The following ATXN3 variants were observed in gnomAD, a reference collection of about 807,000 sequenced individuals.
ATXN3 encodes ataxin-3.
In ATXN3, 28 loss-of-function variants were observed where a neutral mutation model predicts 58.2. That is an observed-to-expected ratio of 0.48 (90% CI 0.36 to 0.66). The LOEUF is 0.66. Ranked by LOEUF, ATXN3 falls within the 30% of genes least tolerant of loss-of-function variation. ATXN3 has a pLI of 0.00. For synonymous variants in ATXN3, 113 were observed against 138.5 expected, an observed-to-expected ratio of 0.82 and a Z score of 1.29; for missense variants, 321 against 422.1, an observed-to-expected ratio of 0.76 and a Z score of 2.10.
chr14:92,057,439 G>T (rs376808236), downstream of ATXN3, among the ~76,000 whole-genome samples: 2,976 of 149,350 alleles, frequency 0.02, 117 homozygotes, highest in African/African-American at 0.07. Context: ...CGGGGGGAGG[G>T]GGCGCGGGGG....
At chr14:92,096,352 T>G in intron 2 of ATXN3, 1 of 1,412,870 alleles carries the variant, frequency 7.1e-7, no homozygotes, top group Admixed American at 2.6e-5. Context: ...AAGCCGGGTG[T>G]GGTGGCTCAC....
chr14:92,066,126 T>C (rs912361636), intron 10 of ATXN3, among the ~76,000 whole-genome samples: 2 of 151,936 alleles, frequency 1.3e-5, no homozygotes, highest in South Asian at 2.1e-4. Context: ...TTCTCTGGGA[T>C]AAATGCCCAG....
rs1397521458 is a variant in ATXN3, at chr14:92,061,987, G to A, written c.*2333C>T. 6.6e-6 allele frequency: 1 copy of A among 152,352 alleles called. No homozygotes were observed. The highest frequency in any genetic ancestry group is 1.5e-5 in the Non-Finnish European group (1 of 68,150). The allele number at this position is 152,352 out of a possible 1,614,324, so 9.4% of individuals were successfully genotyped here. Reference sequence around the variant, plus strand: ...AACTCTCTAGCTGGCCAGGCGCAGTGGCTCATGCCTGTAATCCCAACACTT... The same window carrying A: ...AACTCTCTAGCTGGCCAGGCGCAGTAGCTCATGCCTGTAATCCCAACACTT... On this transcript the variant is annotated 3_prime_UTR_variant, in exon 11 of 11. Coordinates refer to ENST00000644486, the MANE Select transcript of ATXN3 (RefSeq NM_004993.6).
chr14:92,058,930 T>A lies in ATXN3; in HGVS notation c.*5390A>T, dbSNP rs1431060496. The A allele has an allele frequency of 1.3e-5, 2 of 151,302 alleles. No homozygotes were observed. The highest frequency in any genetic ancestry group is 2.9e-5 in the Non-Finnish European group (2 of 67,982). The allele number at this position is 151,302 out of a possible 1,614,324, so 9.4% of individuals were successfully genotyped here. A position where few individuals can be genotyped will look rare whatever the true frequency, so the allele number is the denominator to read the frequency against. ...AATTAGATAATCACATTTAAAAATG[T>A]ATGTTTTCCTCTTTCAAAAAAAAAA... On this transcript the variant is annotated 3_prime_UTR_variant, in exon 11 of 11. Coordinates refer to ENST00000644486, the MANE Select transcript of ATXN3 (RefSeq NM_004993.6).
chr14:92,104,785 T>A (rs1409419184), intron 1 of ATXN3, among the ~76,000 whole-genome samples: 1 of 151,768 alleles, frequency 6.6e-6, no homozygotes, highest in African/African-American at 2.4e-5. Flanking sequence ...TAGCTGGGCG[T>A]GGTGGCGGGC....
At position 92,066,536 on chromosome 14, in the gene ATXN3, T is replaced by C. The variant is rs112175516; in HGVS notation, c.992-2122A>G. 5.3e-4 allele frequency among the ~76,000 whole-genome samples: 80 copies of C among 152,062 alleles called. 1 individual carries two copies. The highest frequency in any genetic ancestry group is 1.7e-3 in the African/African-American group (71 of 41,500). ...AGGTCTCCTGAAGACAAATCGTTAA[T>C]TTTCCCTTCACTCCTGAAGGATATT... is the stretch of plus-strand genomic sequence containing the variant. On this transcript the variant is annotated intron_variant, in intron 10 of 10. Transcript: ENST00000644486.
At chr14:92,094,298 A>C (rs371139662) in intron 3 of ATXN3, among the ~76,000 whole-genome samples, 145 of 152,310 alleles carry the variant, frequency 9.5e-4, no homozygotes, top group Non-Finnish European at 1.5e-3. Context: ...ATAAAAAAAA[A>C]CACATATATA....
At chr14:92,094,750 T>C (rs112091003) in intron 3 of ATXN3, among the ~76,000 whole-genome samples, 3 of 152,064 alleles carry the variant, frequency 2.0e-5, no homozygotes, top group African/African-American at 7.2e-5. Context: ...GAGTGCAAGG[T>C]AGTGGGCACA....
intron 7 of ATXN3, 62 bp from the exon 8 acceptor site, chr14:92,082,528 G>A (rs970291375): frequency 1.1e-4 from 152 of 1,447,378 alleles, no homozygotes; most frequent in Admixed American, 3.4e-4. Flanking sequence ...ATAACATAAA[G>A]GCATTTGTAA....
intron 1 of ATXN3, among the ~76,000 whole-genome samples, chr14:92,048,447 G>A (rs2057436698): frequency 6.6e-6 from 1 of 152,254 alleles, no homozygotes; most frequent in Admixed American, 6.5e-5. Flanking sequence ...TAAAATGCAT[G>A]TTGAGAATAA....
downstream of ATXN3, among the ~76,000 whole-genome samples, chr14:92,054,823 A>G (rs2057459643): frequency 6.6e-6 from 1 of 152,114 alleles, no homozygotes; most frequent in African/African-American, 2.4e-5. Context: ...ACATTTCTTG[A>G]AGATGAGAGG....
At chr14:92,055,329 ATTT>A (rs994776430), downstream of ATXN3, among the ~76,000 whole-genome samples, 1 of 152,052 alleles carries the variant, frequency 6.6e-6, no homozygotes, top group Non-Finnish European at 1.5e-5. This position sits in a 1 kb window ranked among gnomAD's most constrained non-coding sequence, Gnocchi z 4.5. Context: ...AATCCTCTAT[ATTT>A]TTTATTGTGA....
At chr14:92,079,429 A>G in intron 9 of ATXN3, 1 of 981,490 alleles carries the variant, frequency 1.0e-6, no homozygotes, top group Non-Finnish European at 1.2e-6. Flanking sequence ...AGAGGATGTC[A>G]GCTGATCAGA....
At position 92,063,422 on chromosome 14, in the gene ATXN3, G is replaced by A. The variant is rs1467129682; in HGVS notation, c.*898C>T. 1 of 152,160 alleles carries A rather than the reference G, an allele frequency of 6.6e-6. No individual in the cohort carries two copies. Among genetic ancestry groups the A allele is most frequent in the Non-Finnish European group, 1.5e-5 (1 of 68,010 alleles). 9.4% of individuals were successfully genotyped at this position (152,160 alleles called of 1,614,324 possible). ...GGTACGTATGTTTAGTCTTCTAACA[G>A]AAGGAGACTTGCCTGCATACTATGC... On this transcript the variant is annotated 3_prime_UTR_variant, in exon 11 of 11. Coordinates refer to ENST00000644486, the MANE Select transcript of ATXN3 (RefSeq NM_004993.6).
chr14:92,078,998 C>T (rs567696257), intron 9 of ATXN3, among the ~76,000 whole-genome samples: 2 of 151,922 alleles, frequency 1.3e-5, no homozygotes, highest in African/African-American at 4.8e-5. Flanking sequence ...CCAGCCTGGA[C>T]GACATGGTGA....
At chr14:92,097,133 T>C (rs1346955044) in intron 1 of ATXN3, among the ~76,000 whole-genome samples, 3 of 152,098 alleles carry the variant, frequency 2.0e-5, no homozygotes, top group Admixed American at 6.5e-5. Context: ...ATGGTCTTGA[T>C]CTCCTGACCT....
At chr14:92,080,444 C>G (rs868838826) in intron 9 of ATXN3, 5 of 153,332 alleles carry the variant, frequency 3.3e-5, no homozygotes, top group Middle Eastern at 7.7e-4. Context: ...ATAAGGTTTC[C>G]TTCACTCAGT....
At chr14:92,105,281 C>T (rs773779655) in intron 1 of ATXN3, among the ~76,000 whole-genome samples, 1 of 151,962 alleles carries the variant, frequency 6.6e-6, no homozygotes, top group African/African-American at 2.4e-5. Flanking sequence ...CTGGCCCTGG[C>T]GATATGCACC....
chr14:92,074,222 G>A (rs1041179969), intron 9 of ATXN3, among the ~76,000 whole-genome samples: 4 of 151,980 alleles, frequency 2.6e-5, no homozygotes, highest in Non-Finnish European at 5.9e-5. Flanking sequence ...AGCTACTCAG[G>A]AGGCTGAGGC....
Sources: gnomAD v4.1 joint callset for allele counts (sites outside exome capture counted in the v4.1 genomes callset) on GRCh38, gnomAD v4.1.1 for gene constraint, Gnocchi (gnomAD v3.1) non-coding constraint, MANE v1.5 for transcripts, NCBI Gene and HGNC (gene_info 2026-07-23, HGNC 2026-07-21) for gene names.